The following ERBB4 variants were observed in gnomAD, a reference collection of about 807,000 sequenced individuals.
The protein encoded by ERBB4 is receptor tyrosine-protein kinase erbB-4.
In ERBB4, 42 loss-of-function variants were observed where a neutral mutation model predicts 158.0. The observed-to-expected ratio is 0.27, with a 90% CI of 0.21 to 0.34. ERBB4 has a LOEUF of 0.34. Among genes scored for constraint, ERBB4 ranks in the 10% least tolerant of loss-of-function variants. The pLI, the probability that ERBB4 is intolerant of heterozygous loss-of-function variation, is 1.00. For missense variants in ERBB4, 1,333 were observed against 1,624.1 expected, an observed-to-expected ratio of 0.82 and a Z score of 3.08; for synonymous variants, 583 against 558.7, an observed-to-expected ratio of 1.04 and a Z score of -0.61.
chr2:212,475,730 ACT>A (rs1321285281), intron 1 of ERBB4, among the ~76,000 whole-genome samples: 3 of 151,872 alleles, frequency 2.0e-5, no homozygotes, highest in Admixed American at 1.3e-4. Flanking sequence ...AAATAATATA[ACT>A]CTGCTATTAA....
At chr2:211,898,111 A>G (rs1397813232) in intron 3 of ERBB4, among the ~76,000 whole-genome samples, 8 of 152,052 alleles carry the variant, frequency 5.3e-5, no homozygotes, top group African/African-American at 1.9e-4. Flanking sequence ...TGAATAGATC[A>G]TATCAACACA....
At chr2:211,590,464 T>A (rs1430084412) in intron 19 of ERBB4, among the ~76,000 whole-genome samples, 1 of 152,138 alleles carries the variant, frequency 6.6e-6, no homozygotes, top group Non-Finnish European at 1.5e-5. Context: ...GCAGCCTCTA[T>A]CCTTGATGGA....
At chr2:211,861,026 AT>A (rs2078007547) in intron 3 of ERBB4, among the ~76,000 whole-genome samples, 1 of 7,530 alleles carries the variant, frequency 1.3e-4, no homozygotes, top group African/African-American at 7.0e-4. Flanking sequence ...TTATATATAT[AT>A]AAATATAATA....
intron 1 of ERBB4, among the ~76,000 whole-genome samples, chr2:212,522,866 G>A (rs1334766689): frequency 1.3e-5 from 2 of 151,952 alleles, no homozygotes; most frequent in African/African-American, 4.8e-5. Flanking sequence ...GGAGGCACCA[G>A]ACGTAATGCA....
At chr2:212,174,476 A>T (rs1241140330) in intron 1 of ERBB4, among the ~76,000 whole-genome samples, 1 of 152,124 alleles carries the variant, frequency 6.6e-6, no homozygotes, top group East Asian at 1.9e-4. Flanking sequence ...CAAATTACCC[A>T]ATATGGACTT....
At chr2:211,568,496 C>T (rs564520973) in intron 19 of ERBB4, among the ~76,000 whole-genome samples, 4 of 152,182 alleles carry the variant, frequency 2.6e-5, no homozygotes, top group Admixed American at 6.5e-5. Flanking sequence ...TATTATTTAG[C>T]GGTTTCACAA....
chr2:211,421,357 C>T (rs2063510895), intron 24 of ERBB4, among the ~76,000 whole-genome samples: 2 of 151,814 alleles, frequency 1.3e-5, no homozygotes, highest in Non-Finnish European at 2.9e-5. Flanking sequence ...ACATAATACA[C>T]TCTAGTCCAA....
intron 1 of ERBB4, among the ~76,000 whole-genome samples, chr2:212,133,150 T>A (rs2080158955): frequency 6.6e-6 from 1 of 152,134 alleles, no homozygotes; most frequent in African/African-American, 2.4e-5. Flanking sequence ...TGTTTATTCA[T>A]TCTCCACACA....
intron 3 of ERBB4, among the ~76,000 whole-genome samples, chr2:211,858,636 T>G (rs1232200302): frequency 6.6e-6 from 1 of 152,154 alleles, no homozygotes; most frequent in African/African-American, 2.4e-5. Context: ...GGCTAGCGTT[T>G]CTCTGTTAGC....
chr2:211,756,565 C>T (rs2075291855), intron 4 of ERBB4, among the ~76,000 whole-genome samples: 1 of 152,120 alleles, frequency 6.6e-6, no homozygotes, highest in Non-Finnish European at 1.5e-5. Flanking sequence ...GGTCCTTGAA[C>T]ATTAAAATGA....
chr2:211,974,246 T>C (rs1040517328), intron 2 of ERBB4, among the ~76,000 whole-genome samples: 1 of 152,180 alleles, frequency 6.6e-6, no homozygotes, highest in African/African-American at 2.4e-5. Flanking sequence ...TTTTTTTAAA[T>C]CATAAAATTT....
intron 25 of ERBB4, among the ~76,000 whole-genome samples, chr2:211,408,732 G>GTATT (rs2063195423): frequency 1.3e-5 from 2 of 152,166 alleles, no homozygotes; most frequent in South Asian, 4.1e-4. Flanking sequence ...CACTCGTCTG[G>GTATT]TATTTGCCAA....
chr2:211,548,731 G>A (rs1360654988), intron 20 of ERBB4, among the ~76,000 whole-genome samples: 1 of 152,038 alleles, frequency 6.6e-6, no homozygotes, highest in Non-Finnish European at 1.5e-5. Context: ...CAGCACATTA[G>A]ATGATCTTAA....
chr2:212,357,499 G>C (rs2089508670), intron 1 of ERBB4, among the ~76,000 whole-genome samples: 1 of 151,702 alleles, frequency 6.6e-6, no homozygotes, highest in African/African-American at 2.4e-5. Flanking sequence ...TAATTCAGCA[G>C]AAATATACAA....
intron 20 of ERBB4, among the ~76,000 whole-genome samples, chr2:211,441,604 A>G (rs2063977840): frequency 6.6e-6 from 1 of 152,060 alleles, no homozygotes; most frequent in Admixed American, 6.6e-5. Flanking sequence ...TGTTGAACCC[A>G]CAGTTGAAGC....
intron 19 of ERBB4, among the ~76,000 whole-genome samples, chr2:211,579,808 T>C (rs527822374): frequency 9.3e-4 from 140 of 151,290 alleles, no homozygotes; most frequent in African/African-American, 3.3e-3. Flanking sequence ...GGGGGTGGGG[T>C]TGGGGGAGGG....
chr2:211,923,058 T>C (rs1030522252), intron 3 of ERBB4, among the ~76,000 whole-genome samples: 13 of 152,074 alleles, frequency 8.5e-5, no homozygotes, highest in Non-Finnish European at 1.5e-4. Context: ...CCACGTAAAT[T>C]ATAGGTGTAC....
chr2:211,796,160 C>T (rs1575159860), intron 3 of ERBB4, among the ~76,000 whole-genome samples: 1 of 151,896 alleles, frequency 6.6e-6, no homozygotes, highest in Non-Finnish European at 1.5e-5. Context: ...TCATACTTTC[C>T]ACCTCATGTC....
At chr2:211,768,060 G>A (rs1036706644) in intron 4 of ERBB4, among the ~76,000 whole-genome samples, 1 of 152,160 alleles carries the variant, frequency 6.6e-6, no homozygotes, top group Non-Finnish European at 1.5e-5. Flanking sequence ...CAGACATTGG[G>A]TAAATACACT....
Sources: allele counts gnomAD v4.1 joint callset (sites outside exome capture counted in the v4.1 genomes callset), GRCh38; gene constraint gnomAD v4.1.1; transcripts MANE v1.5; gene names NCBI Gene and HGNC (gene_info 2026-07-23, HGNC 2026-07-21).